RGL1: variants seen among roughly 807,000 people sequenced by gnomAD.
RGL1 encodes ral guanine nucleotide dissociation stimulator like 1.
A neutral mutation model predicts 95.2 loss-of-function variants in RGL1; 24 were observed. That is an observed-to-expected ratio of 0.25 (90% CI 0.18 to 0.35). The LOEUF is 0.35. Ranked by LOEUF, RGL1 falls within the 10% of genes least tolerant of loss-of-function variation. The pLI is 1.00. For synonymous variants in RGL1, 329 were observed against 344.9 expected, an observed-to-expected ratio of 0.95 and a Z score of 0.51; for missense variants, 715 against 936.3, an observed-to-expected ratio of 0.76 and a Z score of 3.08.
chr1:183,834,897 A>T (rs558987342), intron 2 of RGL1, among the ~76,000 whole-genome samples: 81 of 151,492 alleles, frequency 5.3e-4, no homozygotes, highest in Non-Finnish European at 1.1e-3. Flanking sequence ...TGCCCAGGCT[A>T]GTCCTGAACT....
chr1:183,674,089 CTTT>C (rs1379748880), intron 1 of RGL1, among the ~76,000 whole-genome samples: 1 of 152,320 alleles, frequency 6.6e-6, no homozygotes, highest in East Asian at 1.9e-4. Flanking sequence ...CTGGACTCAT[CTTT>C]CCACAAAGGA....
chr1:183,661,166 A>C (rs1335847536), intron 1 of RGL1, among the ~76,000 whole-genome samples: 1 of 152,206 alleles, frequency 6.6e-6, no homozygotes, highest in Non-Finnish European at 1.5e-5. Flanking sequence ...GCAAGAGCAA[A>C]GACATTCAAA....
intron 2 of RGL1, among the ~76,000 whole-genome samples, chr1:183,846,877 C>G (rs932688174): frequency 2.6e-5 from 4 of 151,514 alleles, no homozygotes; most frequent in Non-Finnish European, 4.4e-5. Context: ...GAGACTCCAT[C>G]TCAAAAAAAA....
chr1:183,762,132 T>C (rs545230076), intron 2 of RGL1, among the ~76,000 whole-genome samples: 1 of 152,368 alleles, frequency 6.6e-6, no homozygotes, highest in African/African-American at 2.4e-5. Context: ...TGGAGTAGCA[T>C]TTTAAATTTC....
chr1:183,662,640 G>A (rs996455605), intron 1 of RGL1, among the ~76,000 whole-genome samples: 1,974 of 152,216 alleles, frequency 0.013, 52 homozygotes, highest in African/African-American at 0.046. Flanking sequence ...TACTGCCCAA[G>A]GTAATTTATA....
At chr1:183,677,678 A>G (rs918906897) in intron 1 of RGL1, among the ~76,000 whole-genome samples, 1 of 152,166 alleles carries the variant, frequency 6.6e-6, no homozygotes, top group African/African-American at 2.4e-5. Flanking sequence ...TATGTATTGA[A>G]CCTTTATTAT....
rs114524828 is a variant in RGL1 at position 183,790,621 on chromosome 1, G to A, written c.133-15754G>A. ...GGGTGGTATGGTTTCCTGAGGCACA[G>A]GATACAATAAGTTAACAGAAGGGCA... is the stretch of plus-strand genomic sequence containing the variant. On this transcript the variant is annotated intron_variant, in intron 2 of 18. Transcript: ENST00000304685. Among the ~76,000 whole-genome samples, 593 of 152,164 alleles carry A rather than the reference G, an allele frequency of 3.9e-3. 6 individuals carry two copies. Among genetic ancestry groups the A allele is most frequent in the African/African-American group, 0.013 (555 of 41,522 alleles).
chr1:183,814,808 C>T (rs1183045854), intron 2 of RGL1, among the ~76,000 whole-genome samples: 4 of 152,138 alleles, frequency 2.6e-5, no homozygotes, highest in Admixed American at 1.3e-4. Flanking sequence ...TAGTTATGTG[C>T]CATTCTTATT....
At chr1:183,766,335 C>T (rs1658963927) in intron 2 of RGL1, among the ~76,000 whole-genome samples, 1 of 151,456 alleles carries the variant, frequency 6.6e-6, no homozygotes, top group Non-Finnish European at 1.5e-5. Context: ...ACTAGAATGT[C>T]TCACTTTTTT....
chr1:183,824,871 A>G (rs748070998), intron 2 of RGL1, among the ~76,000 whole-genome samples: 33 of 124,300 alleles, frequency 2.7e-4, no homozygotes, highest in South Asian at 2.6e-3. Flanking sequence ...TTTGGGATAC[A>G]TGTCTGACAC....
intron 12 of RGL1, among the ~76,000 whole-genome samples, chr1:183,902,841 G>A (rs960387450): frequency 6.6e-6 from 1 of 152,098 alleles, no homozygotes; most frequent in Non-Finnish European, 1.5e-5. Context: ...ATTACTGGAC[G>A]AGAATCTCTT....
chr1:183,906,325 C>T (rs191219391), intron 13 of RGL1, among the ~76,000 whole-genome samples: 119 of 152,254 alleles, frequency 7.8e-4, no homozygotes, highest in African/African-American at 2.6e-3. Flanking sequence ...ATAAATTCCT[C>T]TTGTGCTTGT....
At chr1:183,674,381 TG>T (rs1471745959) in intron 1 of RGL1, among the ~76,000 whole-genome samples, 6 of 152,226 alleles carry the variant, frequency 3.9e-5, no homozygotes, top group Admixed American at 1.3e-4. Flanking sequence ...GATACACTTT[TG>T]TTTTTTTTAA....
At chr1:183,787,288 C>A (rs1481323857) in intron 2 of RGL1, among the ~76,000 whole-genome samples, 1 of 152,192 alleles carries the variant, frequency 6.6e-6, no homozygotes. Context: ...CCAGCCCTAC[C>A]ACCTTAAAAC....
chr1:183,636,578 G>C (rs1203620018), intron 1 of RGL1: 1 of 166,504 alleles, frequency 6.0e-6, no homozygotes, highest in Admixed American at 6.4e-5. Flanking sequence ...GGGTGAATTT[G>C]TAGAATTTGG....
intron 2 of RGL1, among the ~76,000 whole-genome samples, chr1:183,845,175 AACAATT>A (rs11278234): frequency 0.43 from 65,567 of 151,626 alleles, 14,951 homozygotes; most frequent in African/African-American, 0.58. Flanking sequence ...TCTGACATAA[AACAATT>A]ACAATTCAAC....
chr1:183,732,651 G>A (rs531322631), intron 1 of RGL1, among the ~76,000 whole-genome samples: 12 of 152,190 alleles, frequency 7.9e-5, no homozygotes, highest in East Asian at 5.8e-4. Flanking sequence ...CAGAAGCCCC[G>A]CAGATGTACA....
chr1:183,851,954 G>A (rs575710799), intron 3 of RGL1, among the ~76,000 whole-genome samples: 2 of 152,306 alleles, frequency 1.3e-5, no homozygotes, highest in Admixed American at 6.5e-5. Context: ...TATTTTGTCA[G>A]TAGATTGTGG....
At chr1:183,787,406 A>G (rs537149464) in intron 2 of RGL1, among the ~76,000 whole-genome samples, 1 of 152,200 alleles carries the variant, frequency 6.6e-6, no homozygotes, top group East Asian at 1.9e-4. Context: ...TTCCTCTCTC[A>G]AGAGAGATCC....
Sources: allele counts gnomAD v4.1 joint callset (sites outside exome capture counted in the v4.1 genomes callset), GRCh38; gene constraint gnomAD v4.1.1; transcripts MANE v1.5; gene names NCBI Gene and HGNC (gene_info 2026-07-23, HGNC 2026-07-21).